The following SRGAP1 variants were observed in gnomAD, a reference collection of about 807,000 sequenced individuals.
The protein encoded by SRGAP1 is SLIT-ROBO Rho GTPase-activating protein 1.
SRGAP1 carries 43 observed loss-of-function variants against 121.9 expected under a neutral mutation model. The ratio of observed to expected loss-of-function variants is 0.35; its 90% confidence interval spans 0.28 to 0.46. The LOEUF (loss-of-function observed/expected upper bound fraction) is 0.46, where lower values mean the gene tolerates loss of function less well. Ranked by LOEUF, SRGAP1 falls within the 20% of genes least tolerant of loss-of-function variation. The pLI is 1.00. For missense variants in SRGAP1, 1,102 were observed against 1,350.9 expected (o/e 0.82, Z 2.89); for synonymous variants, 447 against 485.4 (o/e 0.92, Z 1.04).
intron 6 of SRGAP1, among the ~76,000 whole-genome samples, chr12:64,055,540 C>T (rs908452655): frequency 6.6e-5 from 10 of 150,900 alleles, no homozygotes; most frequent in South Asian, 4.2e-4. Flanking sequence ...GAGCCCGCAT[C>T]GCCAAGTCAA....
chr12:64,042,772 TG>T lies in SRGAP1; in HGVS notation c.490-15del. On this transcript the variant is annotated splice_polypyrimidine_tract_variant and intron_variant, in intron 4 of 21. Transcript: ENST00000355086. Reference sequence around the variant, plus strand: ...GACAGACAGACATCTTGTAACAATTTGGGTCACTTTTCCACAGGTGATGAAA... The same window carrying T: ...GACAGACAGACATCTTGTAACAATTTGGTCACTTTTCCACAGGTGATGAAA... 1 of 1,604,424 alleles carries T rather than the reference TG, an allele frequency of 6.2e-7. No homozygotes were observed. The highest frequency in any genetic ancestry group is 8.5e-7 in the Non-Finnish European group (1 of 1,172,510).
chr12:63,988,531 C>G (rs985451540), intron 2 of SRGAP1, among the ~76,000 whole-genome samples: 5 of 152,198 alleles, frequency 3.3e-5, no homozygotes, highest in African/African-American at 1.2e-4. Context: ...CCTTCTTTCC[C>G]TATGCCCATT....
At chr12:63,995,095 G>A (rs757978576) in intron 3 of SRGAP1, among the ~76,000 whole-genome samples, 2 of 152,168 alleles carry the variant, frequency 1.3e-5, no homozygotes, top group African/African-American at 4.8e-5. Context: ...TCAAATGGTG[G>A]CATTTGAATA....
At chr12:63,863,427 C>T (rs190300078) in intron 1 of SRGAP1, among the ~76,000 whole-genome samples, 1 of 152,132 alleles carries the variant, frequency 6.6e-6, no homozygotes, top group East Asian at 1.9e-4. Context: ...CATGTGCTGC[C>T]ATGCCTGCCT....
intron 7 of SRGAP1, among the ~76,000 whole-genome samples, 199 bp downstream of exon 7, chr12:64,063,337 A>G (rs2035483410): frequency 6.6e-6 from 1 of 152,192 alleles, no homozygotes; most frequent in African/African-American, 2.4e-5. Flanking sequence ...ACAGAGGCCA[A>G]ACAGATAAAA....
intron 1 of SRGAP1, among the ~76,000 whole-genome samples, chr12:63,873,533 C>CAA (rs1337537568): frequency 6.1e-5 from 3 of 49,508 alleles, no homozygotes; most frequent in South Asian, 6.0e-4. Flanking sequence ...AAATCCGTCT[C>CAA]AAAAAAAAAA....
At chr12:64,113,445 A>G (rs2036466652) in intron 17 of SRGAP1, among the ~76,000 whole-genome samples, 1 of 152,094 alleles carries the variant, frequency 6.6e-6, no homozygotes, top group Non-Finnish European at 1.5e-5. Flanking sequence ...AAGCTTTAGT[A>G]TTCAGTAGTA....
chr12:63,991,254 A>G (rs2033549927), intron 3 of SRGAP1, among the ~76,000 whole-genome samples: 1 of 152,196 alleles, frequency 6.6e-6, no homozygotes. Flanking sequence ...TTCAGAAAGT[A>G]GCGGGGAGAA....
At chr12:63,863,294 A>G (rs1899517214) in intron 1 of SRGAP1, among the ~76,000 whole-genome samples, 1 of 139,002 alleles carries the variant, frequency 7.2e-6, no homozygotes, top group African/African-American at 2.8e-5. Flanking sequence ...TTTTTTTGAG[A>G]CAGTGTCTTA....
chr12:63,924,922 A>G (rs776844747), intron 1 of SRGAP1, among the ~76,000 whole-genome samples: 2 of 152,218 alleles, frequency 1.3e-5, no homozygotes, highest in African/African-American at 2.4e-5. Flanking sequence ...AAATGAATTA[A>G]TTTAAAATTT....
Position 64,115,828 on chromosome 12 carries a change from G to C in SRGAP1, c.2159G>C (p.Ser720Thr). Reference protein sequence around the residue: ...AGDDYCDSPYSEHGTLEEVDQ... With the variant: ...AGDDYCDSPYTEHGTLEEVDQ... ...GTATTCTACAGCGACAGCCCATACA[G>C]TGAGCACGGTACATTGGAGGAAGTG... Residue 720 changes from serine to threonine, a missense_variant, in exon 18 of 22, where the codon AGT becomes ACT. Physicochemically the swap from Ser to Thr is moderately conservative, Grantham distance 58. Coordinates refer to ENST00000355086, the MANE Select transcript of SRGAP1 (RefSeq NM_020762.4). The C allele has an allele frequency of 6.2e-7, 1 of 1,613,578 alleles. No individual in the cohort carries two copies. The highest frequency in any genetic ancestry group is 8.5e-7 in the Non-Finnish European group (1 of 1,179,690).
chr12:64,020,359 C>T (rs2034512453), intron 4 of SRGAP1, among the ~76,000 whole-genome samples: 1 of 151,912 alleles, frequency 6.6e-6, no homozygotes, highest in Non-Finnish European at 1.5e-5. Flanking sequence ...GGACTTAAAG[C>T]AAAGACAGGA....
intron 3 of SRGAP1, among the ~76,000 whole-genome samples, chr12:64,007,327 A>C (rs542399142): frequency 6.6e-6 from 1 of 152,288 alleles, no homozygotes; most frequent in East Asian, 1.9e-4. Flanking sequence ...TCAGATCATC[A>C]GGCATTAGAT....
chr12:63,962,829 A>C (rs746152505), intron 1 of SRGAP1, among the ~76,000 whole-genome samples: 12 of 152,190 alleles, frequency 7.9e-5, no homozygotes, highest in Non-Finnish European at 1.0e-4. Flanking sequence ...GGCTAATCCA[A>C]GTTGAATGTG....
At chr12:63,886,544 A>G (rs75016538) in intron 1 of SRGAP1, among the ~76,000 whole-genome samples, 10,717 of 149,330 alleles carry the variant, frequency 0.072, 495 homozygotes, top group East Asian at 0.14. Context: ...TCCAGGCACA[A>G]TCTTGGCTCA....
At chr12:64,033,297 T>G (rs2034823337) in intron 4 of SRGAP1, among the ~76,000 whole-genome samples, 2 of 152,202 alleles carry the variant, frequency 1.3e-5, no homozygotes, top group South Asian at 4.1e-4. Flanking sequence ...GATGATAAAT[T>G]CAAACTGTTA....
chr12:64,115,414 T>C (rs1409720326), intron 17 of SRGAP1, among the ~76,000 whole-genome samples: 1 of 152,212 alleles, frequency 6.6e-6, no homozygotes, highest in African/African-American at 2.4e-5. Flanking sequence ...AATTACTCTT[T>C]TGTCCTTATA....
At chr12:64,040,669 C>T (rs2034997611) in intron 4 of SRGAP1, among the ~76,000 whole-genome samples, 1 of 152,274 alleles carries the variant, frequency 6.6e-6, no homozygotes, top group Non-Finnish European at 1.5e-5. Flanking sequence ...AAATCTGTGA[C>T]TGTTACTCTC....
At chr12:63,910,164 T>C (rs1027543026) in intron 1 of SRGAP1, among the ~76,000 whole-genome samples, 7 of 152,198 alleles carry the variant, frequency 4.6e-5, no homozygotes, top group Admixed American at 2.6e-4. Context: ...ACATAATCAA[T>C]TGATGTTTTA....
Sources: allele counts gnomAD v4.1 joint callset (sites outside exome capture counted in the v4.1 genomes callset), GRCh38; gene constraint gnomAD v4.1.1; transcripts MANE v1.5; gene names NCBI Gene and HGNC (gene_info 2026-07-23, HGNC 2026-07-21).